The following TUSC3 variants were observed in gnomAD, a reference collection of about 807,000 sequenced individuals.
The protein encoded by TUSC3 is dolichyl-diphosphooligosaccharide--protein glycosyltransferase subunit TUSC3.
A neutral mutation model predicts 44.8 loss-of-function variants in TUSC3; 45 were observed. That is an observed-to-expected ratio of 1.00 (90% CI 0.79 to 1.29). The LOEUF is 1.29. TUSC3 is among the 50% of genes most tolerant of loss of function. TUSC3 has a pLI of 0.00. For synonymous variants in TUSC3, 212 were observed against 152.9 expected, an observed-to-expected ratio of 1.39 and a Z score of -2.85; for missense variants, 519 against 437.9, an observed-to-expected ratio of 1.19 and a Z score of -1.65.
chr8:15,805,263 C>T, the TUSC3 span, among the ~76,000 whole-genome samples: 3 of 152,198 alleles, frequency 2.0e-5, no homozygotes, highest in African/African-American at 7.2e-5. Context: ...GGTATATAAT[C>T]ATTAAGTCTG....
intron 1 of TUSC3, among the ~76,000 whole-genome samples, chr8:15,587,139 T>C (rs1803635430): frequency 6.6e-6 from 1 of 152,206 alleles, no homozygotes; most frequent in Non-Finnish European, 1.5e-5. Flanking sequence ...ATTTCATAAT[T>C]AACTTGCTGT....
At chr8:15,523,704 G>GTATATATATATATA (rs1563273688) in intron 2 of TUSC3, among the ~76,000 whole-genome samples, 1 of 112,588 alleles carries the variant, frequency 8.9e-6, no homozygotes, top group African/African-American at 4.0e-5. Context: ...GTGTGTGTGT[G>GTATATATATATATA]TGTGTATATA....
chr8:15,689,977 C>T (rs1264813500), intron 6 of TUSC3, among the ~76,000 whole-genome samples: 3 of 151,848 alleles, frequency 2.0e-5, no homozygotes, highest in Non-Finnish European at 4.4e-5. Context: ...TGCACATACA[C>T]GTCTGTGTGT....
intron 1 of TUSC3, among the ~76,000 whole-genome samples, chr8:15,439,244 C>A (rs1799991205): frequency 1.3e-5 from 2 of 152,150 alleles, no homozygotes; most frequent in Non-Finnish European, 2.9e-5. Context: ...TAGTAATCAG[C>A]CAACTAAATT....
chr8:15,807,793 A>G, the TUSC3 span, among the ~76,000 whole-genome samples: 8 of 152,216 alleles, frequency 5.3e-5, no homozygotes, highest in Admixed American at 3.9e-4. Context: ...GTTCTCATTT[A>G]TAAGTGGGAG....
At chr8:15,556,274 G>C (rs527952324) in intron 1 of TUSC3, among the ~76,000 whole-genome samples, 1 of 142,838 alleles carries the variant, frequency 7.0e-6, no homozygotes, top group South Asian at 2.4e-4. Context: ...TTTTGTTCTT[G>C]AGATAGTTTA....
chr8:15,719,562 A>G (rs1810216757), intron 6 of TUSC3, among the ~76,000 whole-genome samples: 1 of 151,106 alleles, frequency 6.6e-6, no homozygotes. Context: ...CCATGAGACT[A>G]GAGATCATTG....
At chr8:15,687,356 G>C (rs2129188042) in intron 6 of TUSC3, among the ~76,000 whole-genome samples, 1 of 152,226 alleles carries the variant, frequency 6.6e-6, no homozygotes, top group African/African-American at 2.4e-5. Context: ...CATGATATTT[G>C]AGGCTGCAAT....
chr8:15,658,203 G>C (rs1331740249), intron 3 of TUSC3, among the ~76,000 whole-genome samples: 1 of 152,122 alleles, frequency 6.6e-6, no homozygotes, highest in Non-Finnish European at 1.5e-5. Flanking sequence ...ATAACATGGA[G>C]GTAAATAATG....
the TUSC3 span, among the ~76,000 whole-genome samples, chr8:15,823,362 C>A: frequency 6.6e-6 from 1 of 152,256 alleles, no homozygotes; most frequent in East Asian, 1.9e-4. Flanking sequence ...AGACTGTGGA[C>A]TGCCTCATTT....
At chr8:15,849,352 GCA>G in the TUSC3 span, among the ~76,000 whole-genome samples, 1 of 152,070 alleles carries the variant, frequency 6.6e-6, no homozygotes, top group African/African-American at 2.4e-5. Context: ...GTGGGGAGTT[GCA>G]CAGACACAAA....
At chr8:15,682,081 A>G (rs1332230905) in intron 6 of TUSC3, among the ~76,000 whole-genome samples, 1 of 152,152 alleles carries the variant, frequency 6.6e-6, no homozygotes, top group East Asian at 1.9e-4. Context: ...TTTGTGACCA[A>G]GGATGTGATT....
the TUSC3 span, among the ~76,000 whole-genome samples, chr8:15,812,961 G>A: frequency 3.3e-5 from 5 of 152,070 alleles, no homozygotes; most frequent in Non-Finnish European, 5.9e-5. Context: ...GGGCGTGGTG[G>A]CATGTGACTG....
chr8:15,658,308 A>T (rs939273471), intron 3 of TUSC3, among the ~76,000 whole-genome samples: 3 of 152,116 alleles, frequency 2.0e-5, no homozygotes. Flanking sequence ...AAGTTGTGTG[A>T]AGCTCTGTAA....
intron 6 of TUSC3, among the ~76,000 whole-genome samples, chr8:15,707,408 A>T (rs560640477): frequency 1.7e-4 from 26 of 151,898 alleles, no homozygotes; most frequent in Non-Finnish European, 2.9e-4. Flanking sequence ...TTTGTGCCCT[A>T]TGTTTTTTAA....
chr8:15,561,627 C>T (rs1398399964), intron 1 of TUSC3: 2 of 154,600 alleles, frequency 1.3e-5, no homozygotes, highest in African/African-American at 2.4e-5. Context: ...GCAGTTTGAT[C>T]TCAGACTGCA....
chr8:15,590,566 A>T (rs974388575), intron 1 of TUSC3, among the ~76,000 whole-genome samples: 1 of 152,090 alleles, frequency 6.6e-6, no homozygotes, highest in Non-Finnish European at 1.5e-5. Flanking sequence ...AATAGAAGGA[A>T]TTTCCCTGAA....
the TUSC3 span, among the ~76,000 whole-genome samples, chr8:15,837,462 T>C: frequency 1.3e-5 from 2 of 152,186 alleles, no homozygotes; most frequent in African/African-American, 4.8e-5. Context: ...ATCATTTTCT[T>C]TTATTCTTTT....
intron 10 of TUSC3, 171 bp downstream of exon 10, chr8:15,758,026 A>G: frequency 7.1e-7 from 1 of 1,413,150 alleles, no homozygotes; most frequent in South Asian, 1.6e-5. Flanking sequence ...TTTATCTGCC[A>G]CAGGGAGAAG....
Sources: allele counts gnomAD v4.1 joint callset (sites outside exome capture counted in the v4.1 genomes callset), GRCh38; gene constraint gnomAD v4.1.1; transcripts MANE v1.5; gene names NCBI Gene and HGNC (gene_info 2026-07-23, HGNC 2026-07-21).